The following KRT20 variants were observed in gnomAD, a reference collection of about 807,000 sequenced individuals.
KRT20 encodes the protein keratin 20, also known as keratin, type I cytoskeletal 20.
A neutral mutation model predicts 43.0 loss-of-function variants in KRT20; 41 were observed. The ratio of observed to expected loss-of-function variants is 0.95; its 90% CI spans 0.74 to 1.24. KRT20 has a LOEUF of 1.24. Among genes scored for constraint, KRT20 ranks in the 50% most tolerant of loss-of-function variants. KRT20 has a pLI of 0.00. For missense variants in KRT20, 533 were observed against 521.2 expected, an observed-to-expected ratio of 1.02 and a Z score of -0.22; for synonymous variants, 207 against 200.6, an observed-to-expected ratio of 1.03 and a Z score of -0.27.
Position 40,885,194 on chromosome 17 carries a change from C to T in KRT20, c.-9G>A. 1 of 1,586,166 alleles carries T rather than the reference C, an allele frequency of 6.3e-7. No individual in the cohort carries two copies. The highest frequency in any genetic ancestry group is 8.6e-7 in the Non-Finnish European group (1 of 1,168,046). ...CTGCGACTGAAATCCATTGGAGATT[C>T]CAGGAGGGAGCACCTGTAGCTTCAG... On this transcript the variant is annotated 5_prime_UTR_variant, in exon 1 of 8. Transcript: ENST00000167588.
In KRT20 at chr17:40,880,716, C is replaced by T; in HGVS notation, c.528G>A (p.Leu176=). 1 of 1,599,818 alleles carries T rather than the reference C, an allele frequency of 6.3e-7. No homozygotes were observed. Among genetic ancestry groups the T allele is most frequent in the South Asian group, 1.1e-5 (1 of 88,790 alleles). Residue 176 remains leucine, a synonymous_variant, in exon 3 of 8, where the codon CTG becomes CTA. Coordinates refer to ENST00000167588, the MANE Select transcript of KRT20 (RefSeq NM_019010.3). ...GGGTTAGGTCATCAAAGACCTTATT[C>T]AGGCCTTGGAGATCAGCTTCCACTG... ...RLTVEADLQG[L]NKVFDDLTLH...
chr17:40,881,848 TTTAC>T (rs1312250403), intron 2 of KRT20, among the ~76,000 whole-genome samples: 1 of 149,880 alleles, frequency 6.7e-6, no homozygotes, highest in East Asian at 2.0e-4. Context: ...GAACACAATT[TTTAC>T]TTTCTTTTTC....
At chr17:40,878,547 G>C (rs942569818) in intron 5 of KRT20, among the ~76,000 whole-genome samples, 182 bp from the exon 6 acceptor site, 1 of 152,172 alleles carries the variant, frequency 6.6e-6, no homozygotes, top group South Asian at 2.1e-4. Flanking sequence ...AGGATCATTA[G>C]CTCTTGGGGT....
chr17:40,878,024 G>A (rs1017047784), intron 6 of KRT20, 121 bp downstream of exon 6: 19 of 833,034 alleles, frequency 2.3e-5, no homozygotes, highest in African/African-American at 3.4e-5. Flanking sequence ...GGTGAGGCAT[G>A]TGTGAGTATA....
intron 1 of KRT20, 120 bp from the exon 2 acceptor site, chr17:40,882,774 A>G (rs1907658821): frequency 3.9e-6 from 1 of 254,814 alleles, no homozygotes; most frequent in East Asian, 1.2e-4. Flanking sequence ...CAATGGTACG[A>G]TCTCGGCTCA....
At position 40,878,130 on chromosome 17, in the gene KRT20, T is replaced by G. The variant is rs753628917; in HGVS notation, c.1139+15A>C. The G allele has an allele frequency of 5.0e-6, 8 of 1,604,522 alleles. No homozygotes were observed. In the East Asian group the frequency reaches 6.7e-5, roughly 13 times the overall value. On this transcript the variant is annotated intron_variant, in intron 6 of 7. Transcript: ENST00000167588. Reference sequence around the variant, plus strand: ...ACAGATATTGACACCTATTCCTTGATTCTAAGAGCCTTACTTTACGTCTTC... The same window carrying G: ...ACAGATATTGACACCTATTCCTTGAGTCTAAGAGCCTTACTTTACGTCTTC...
chr17:40,876,268 G>T lies in KRT20; in HGVS notation c.*93C>A. ...CTAATCACTGCAGAGTATTAATAGTGCTTTCTTATGGCTGATTTCTTGCAG... is the reference window on the plus strand; with the variant it reads ...CTAATCACTGCAGAGTATTAATAGTTCTTTCTTATGGCTGATTTCTTGCAG... On this transcript the variant is annotated 3_prime_UTR_variant, in exon 8 of 8. Coordinates refer to ENST00000167588, the MANE Select transcript of KRT20 (RefSeq NM_019010.3). 2 of 808,986 alleles carry T rather than the reference G, an allele frequency of 2.5e-6. No homozygotes were observed. The highest frequency in any genetic ancestry group is 2.2e-6 in the Non-Finnish European group (1 of 460,328). 50.1% of individuals were successfully genotyped at this position (808,986 alleles called of 1,614,324 possible).
intron 1 of KRT20, among the ~76,000 whole-genome samples, chr17:40,883,848 C>T (rs927085402): frequency 5.9e-5 from 9 of 152,208 alleles, no homozygotes; most frequent in Admixed American, 2.6e-4. Context: ...CATTGCTTCA[C>T]ATGCCCATAG....
chr17:40,880,255 CG>C lies in KRT20; in HGVS notation c.636del (p.Asp213MetfsTer21). The C allele has an allele frequency of 6.3e-7, 1 of 1,595,128 alleles. No homozygotes were observed. The highest frequency in any genetic ancestry group is 1.1e-5 in the South Asian group (1 of 89,334). ...TTGCCCAGATGCTTGTGTAGGCCAT[CG>C]ACTTCCTATGAAAGTGAAATTTCTG... ...ALLKKEHQEEVDGLHKHLGNT... is the reference protein window; with the variant it reads ...ALLKKEHQEEXDGLHKHLGNT... On this transcript the variant is annotated frameshift_variant, in exon 4 of 8. Transcript: ENST00000167588. LOFTEE classifies it high-confidence loss of function.
chr17:40,876,621 G>A (rs1907357115), intron 7 of KRT20, among the ~76,000 whole-genome samples, 163 bp from the exon 8 acceptor site: 1 of 152,072 alleles, frequency 6.6e-6, no homozygotes. Flanking sequence ...TTTATAAATA[G>A]ATGCAGAAAA....
In KRT20 at chr17:40,879,296, T is replaced by C. The variant is rs1165640220; in HGVS notation, c.918+517A>G. ...CATGGGCTTGCTGATTTGCTTGGCCTGGAATGTCTCTAGTCCATTCTCCAT... is the reference window on the plus strand; with the variant it reads ...CATGGGCTTGCTGATTTGCTTGGCCCGGAATGTCTCTAGTCCATTCTCCAT... On this transcript the variant is annotated intron_variant, in intron 5 of 7. Coordinates refer to ENST00000167588, the MANE Select transcript of KRT20 (RefSeq NM_019010.3). Among the ~76,000 whole-genome samples, 36 of 152,214 alleles carry C rather than the reference T, an allele frequency of 2.4e-4. 1 individual carries two copies. The highest frequency in any genetic ancestry group is 2.4e-3 in the Admixed American group (36 of 15,282).
Position 40,876,328 on chromosome 17 carries a change from A to T in KRT20, c.*33T>A. The T allele has an allele frequency of 6.9e-7, 1 of 1,439,216 alleles. No homozygotes were observed. Among genetic ancestry groups the T allele is most frequent in the Non-Finnish European group, 9.8e-7 (1 of 1,021,352 alleles). 89.2% of individuals were successfully genotyped at this position (1,439,216 alleles called of 1,614,324 possible). A position where few individuals can be genotyped will look rare whatever the true frequency, so the allele number is the denominator to read the frequency against. ...ATAAGATTATAGCCAAATTTCTTTC[A>T]AAACCTCAGCAGCATCTCCTTCTGG... On this transcript the variant is annotated 3_prime_UTR_variant, in exon 8 of 8. Coordinates refer to ENST00000167588, the MANE Select transcript of KRT20 (RefSeq NM_019010.3).
rs8077284 is a variant in KRT20, at chr17:40,876,117, T to A, written c.*244A>T. ...TGCTTCATGATAAAGATGGCAGTAATGATGTTTTAAATATTCTAGTGCTCA... is the reference window on the plus strand; with the variant it reads ...TGCTTCATGATAAAGATGGCAGTAAAGATGTTTTAAATATTCTAGTGCTCA... On this transcript the variant is annotated 3_prime_UTR_variant, in exon 8 of 8. Coordinates refer to ENST00000167588, the MANE Select transcript of KRT20 (RefSeq NM_019010.3). The A allele has an allele frequency of 2.6e-6, 1 of 382,886 alleles. No individual in the cohort carries two copies. 23.7% of individuals were successfully genotyped at this position (382,886 alleles called of 1,614,324 possible). A position where few individuals can be genotyped will look rare whatever the true frequency, so the allele number is the denominator to read the frequency against.
Position 40,885,091 on chromosome 17 carries a change from G to A in KRT20, c.95C>T (p.Thr32Ile), listed in dbSNP as rs774912545. 4 of 1,614,120 alleles carry A rather than the reference G, an allele frequency of 2.5e-6. No homozygotes were observed. Among genetic ancestry groups the A allele is most frequent in the Non-Finnish European group, 3.4e-6 (4 of 1,180,040 alleles). ...STVGMQRLGTTPSVYGGAGGR... is the reference protein window; with the variant it reads ...STVGMQRLGTIPSVYGGAGGR... ...TCCAGCACCCCCATAAACGCTGGGT[G>A]TCGTCCCGAGGCGCTGCATGCCCAC... is the stretch of plus-strand genomic sequence containing the variant. Residue 32 changes from threonine (T) to isoleucine (I), a missense_variant, in exon 1 of 8, where the codon ACA (threonine) becomes ATA (isoleucine). Physicochemically the swap from Thr to Ile is moderately conservative, Grantham distance 89. Transcript: ENST00000167588.
chr17:40,883,653 A>T lies in KRT20; in HGVS notation c.391-999T>A, dbSNP rs1597853800. On this transcript the variant is annotated intron_variant, in intron 1 of 7. Coordinates refer to ENST00000167588, the MANE Select transcript of KRT20 (RefSeq NM_019010.3). Reference sequence around the variant, plus strand: ...TACAATGACATTTCTCTTTCAATGGACCCAGTTTTGGAGAGGGCTGCTTCC... The same window carrying T: ...TACAATGACATTTCTCTTTCAATGGTCCCAGTTTTGGAGAGGGCTGCTTCC... Among the ~76,000 whole-genome samples the T allele has an allele frequency of 2.0e-5, 3 of 152,368 alleles. No individual in the cohort carries two copies. The South Asian group carries it at 6.2e-4, about 32-fold the overall frequency.
Position 40,885,055 on chromosome 17 carries a change from A to G in KRT20, c.131T>C (p.Ile44Thr), listed in dbSNP as rs768053755. The change falls in exon 1 of 8, where the codon ATC becomes ACC. Residue 44 changes from isoleucine to threonine, a missense_variant. By Grantham distance (89) the Ile-to-Thr change is moderately conservative. Transcript: ENST00000167588. ...CGTGTGTCTGGAGTTGGAGATGCGG[A>G]TGCCCCGGCCTCCAGCACCCCCATA... ...SVYGGAGGRG[I>T]RISNSRHTVN... 1.9e-6 allele frequency: 3 copies of G among 1,614,004 alleles called. No homozygotes were observed. The highest frequency in any genetic ancestry group is 1.7e-5 in the Admixed American group (1 of 59,990).
intron 2 of KRT20, among the ~76,000 whole-genome samples, chr17:40,881,211 C>T (rs1907580750): frequency 6.7e-6 from 1 of 148,620 alleles, no homozygotes. Context: ...TCCTCCTCTA[C>T]AATCTTACAT....
chr17:40,880,523 C>T (rs1907547891), intron 3 of KRT20, 91 bp downstream of exon 3: 1 of 1,123,994 alleles, frequency 8.9e-7, no homozygotes, highest in South Asian at 1.4e-5. Flanking sequence ...CCAACTCTTC[C>T]CCCTTCTCCT....
intron 2 of KRT20, 78 bp downstream of exon 2, chr17:40,882,494 T>C (rs971810958): frequency 6.4e-6 from 4 of 627,528 alleles, no homozygotes; most frequent in African/African-American, 3.8e-5. Context: ...TCAACAATGA[T>C]ATGGAAAGCT....
Sources: gnomAD v4.1 joint callset for allele counts (sites outside exome capture counted in the v4.1 genomes callset) on GRCh38, gnomAD v4.1.1 for gene constraint, MANE v1.5 for transcripts, NCBI Gene and HGNC (gene_info 2026-07-23, HGNC 2026-07-21) for gene names.